CTNNA3: variants seen among roughly 807,000 people sequenced by gnomAD.
The protein encoded by CTNNA3 is catenin alpha 3.
CTNNA3 carries 76 observed loss-of-function variants against 95.7 expected under a neutral mutation model. The observed-to-expected ratio is 0.79, with a 90% CI of 0.66 to 0.96. CTNNA3 has a LOEUF of 0.96. Ranked by LOEUF, CTNNA3 falls within the 40% of genes least tolerant of loss-of-function variation. The probability of loss-of-function intolerance (pLI) is 0.00; values close to 1 mark genes in which losing one functional copy is unlikely to be tolerated. For synonymous variants in CTNNA3, 431 were observed against 374.4 expected, an observed-to-expected ratio of 1.15 and a Z score of -1.74; for missense variants, 1,191 against 1,089.8, an observed-to-expected ratio of 1.09 and a Z score of -1.31.
intron 7 of CTNNA3, among the ~76,000 whole-genome samples, chr10:67,086,711 G>C (rs1031662542): frequency 9.2e-5 from 14 of 151,918 alleles, no homozygotes; most frequent in Non-Finnish European, 1.3e-4. Context: ...ATCATATATA[G>C]AGCCTCTCTG....
chr10:67,409,748 A>C (rs1485564968), intron 5 of CTNNA3, among the ~76,000 whole-genome samples: 1 of 152,140 alleles, frequency 6.6e-6, no homozygotes, highest in Non-Finnish European at 1.5e-5. Context: ...GGAACTTAAA[A>C]TAAAAGTTGA....
intron 7 of CTNNA3, among the ~76,000 whole-genome samples, chr10:66,853,284 C>T (rs10997415): frequency 0.59 from 90,105 of 151,812 alleles, 27,822 homozygotes; most frequent in African/African-American, 0.66. Context: ...ATTTATTATC[C>T]GGCCCGTTAG....
intron 5 of CTNNA3, among the ~76,000 whole-genome samples, chr10:67,348,959 C>T (rs182414074): frequency 1.6e-4 from 25 of 152,156 alleles, no homozygotes; most frequent in Admixed American, 5.2e-4. Flanking sequence ...TGAAAATATA[C>T]GCAACATCAT....
chr10:66,923,056 C>T (rs1846870813), intron 7 of CTNNA3, among the ~76,000 whole-genome samples: 1 of 152,132 alleles, frequency 6.6e-6, no homozygotes, highest in African/African-American at 2.4e-5. Flanking sequence ...CTTATTTACT[C>T]ACTCTAATAT....
Position 66,255,626 on chromosome 10 carries a change from A to G in CTNNA3, c.1884+24844T>C, listed in dbSNP as rs565652741. Among the ~76,000 whole-genome samples, 10 of 152,136 alleles carry G rather than the reference A, an allele frequency of 6.6e-5. No individual in the cohort carries two copies. In the South Asian group the frequency reaches 1.9e-3, roughly 28 times the overall value. The stretch of plus-strand genomic sequence containing the variant: ...ACCCTTTCCATCTGCTTCATCCCCC[A>G]ATCATCACCCTCTCCCCATAAACAG... On this transcript the variant is annotated intron_variant, in intron 13 of 17. Transcript: ENST00000433211.
At chr10:66,097,170 C>CA (rs1189407716) in intron 14 of CTNNA3, among the ~76,000 whole-genome samples, 4 of 151,986 alleles carry the variant, frequency 2.6e-5, no homozygotes, top group Admixed American at 2.6e-4. Flanking sequence ...CTTCTTGAGG[C>CA]AAAAAATAAT....
At chr10:66,791,595 T>C (rs987463766) in intron 7 of CTNNA3, among the ~76,000 whole-genome samples, 5 of 152,184 alleles carry the variant, frequency 3.3e-5, no homozygotes, top group African/African-American at 1.2e-4. Flanking sequence ...ATTAATTGAT[T>C]AATGCATCTC....
chr10:66,446,532 A>G (rs1008220747), intron 11 of CTNNA3, among the ~76,000 whole-genome samples: 2 of 151,364 alleles, frequency 1.3e-5, no homozygotes, highest in Non-Finnish European at 2.9e-5. Context: ...TCACAAATCA[A>G]TAAATGTAAT....
intron 10 of CTNNA3, among the ~76,000 whole-genome samples, chr10:66,617,817 G>A (rs926842779): frequency 4.3e-4 from 65 of 151,860 alleles, no homozygotes; most frequent in African/African-American, 1.5e-3. Flanking sequence ...AAACCCCACT[G>A]TCTCAGCCCA....
intron 7 of CTNNA3, among the ~76,000 whole-genome samples, chr10:67,117,122 A>T (rs2131984085): frequency 6.6e-6 from 1 of 152,162 alleles, no homozygotes; most frequent in South Asian, 2.1e-4. Flanking sequence ...GAATTGAACA[A>T]CAGAGAAAAA....
Position 66,170,241 on chromosome 10 carries a change from C to CTTTTTTTTTTTT in CTNNA3, c.1885-67004_1885-66993dup, listed in dbSNP as rs57644952. 2.3e-4 allele frequency among the ~76,000 whole-genome samples: 17 copies of CTTTTTTTTTTTT among 73,358 alleles called. 2 individuals carry two copies. The highest frequency in any genetic ancestry group is 2.9e-4 in the Non-Finnish European group (11 of 38,088). 48.1% of individuals were successfully genotyped at this position (73,358 alleles called of 152,430 possible). On this transcript the variant is annotated intron_variant, in intron 13 of 17. Transcript: ENST00000433211. ...CCAGTTGCATTCTCCTCCTCATTGT[C>CTTTTTTTTTTTT]TTTTTTTTTTTTTTTTTTTTTTTTT...
At chr10:66,315,758 C>CCT (rs1189954972) in intron 12 of CTNNA3, among the ~76,000 whole-genome samples, 4 of 151,984 alleles carry the variant, frequency 2.6e-5, no homozygotes, top group Admixed American at 6.6e-5. Context: ...AATATTTCAT[C>CCT]CTCAAAACAA....
At chr10:66,222,614 A>G (rs1370264472) in intron 13 of CTNNA3, among the ~76,000 whole-genome samples, 4 of 68,568 alleles carry the variant, frequency 5.8e-5, no homozygotes, top group Admixed American at 1.4e-4. Flanking sequence ...GAAAGAAAGA[A>G]AGAAAGAAAA....
intron 10 of CTNNA3, among the ~76,000 whole-genome samples, chr10:66,608,019 G>T (rs2660038): frequency 0.33 from 49,384 of 151,868 alleles, 9,450 homozygotes; most frequent in East Asian, 0.84. Context: ...ATTCCTGTTT[G>T]CAGATGACAT....
chr10:65,978,558 A>T (rs192451867), intron 16 of CTNNA3, among the ~76,000 whole-genome samples: 1 of 152,000 alleles, frequency 6.6e-6, no homozygotes, highest in African/African-American at 2.4e-5. Flanking sequence ...CACTTACACA[A>T]CACAAACTAC....
intron 1 of CTNNA3, chr10:67,750,702 T>G: frequency 6.4e-7 from 1 of 1,565,446 alleles, no homozygotes; most frequent in Non-Finnish European, 8.8e-7. Flanking sequence ...TGTTCTTGGA[T>G]GCCTGGGAGG....
chr10:66,609,819 T>C (rs1844263854), intron 10 of CTNNA3, among the ~76,000 whole-genome samples: 1 of 152,114 alleles, frequency 6.6e-6, no homozygotes, highest in South Asian at 2.1e-4. Flanking sequence ...TGCAGCACTA[T>C]TCACCATAGC....
chr10:67,551,169 T>C (rs1014598642), intron 3 of CTNNA3, among the ~76,000 whole-genome samples: 16 of 151,970 alleles, frequency 1.1e-4, no homozygotes, highest in African/African-American at 3.6e-4. Context: ...CACAAGCGGC[T>C]GCACGTGGAG....
intron 17 of CTNNA3, among the ~76,000 whole-genome samples, chr10:65,934,627 A>T (rs1453375470): frequency 6.6e-6 from 1 of 152,200 alleles, no homozygotes; most frequent in Admixed American, 6.5e-5. Context: ...CAATAAAAAC[A>T]GTGTTTGTAG....
Sources: allele counts gnomAD v4.1 joint callset (sites outside exome capture counted in the v4.1 genomes callset), GRCh38; gene constraint gnomAD v4.1.1; transcripts MANE v1.5; gene names NCBI Gene and HGNC (gene_info 2026-07-23, HGNC 2026-07-21).